Variants in ZBTB40 observed in about 807,000 individuals in gnomAD.
ZBTB40 encodes the protein zinc finger and BTB domain containing 40.
A neutral mutation model predicts 117.5 loss-of-function variants in ZBTB40; 60 were observed. The ratio of observed to expected loss-of-function variants is 0.51; its 90% CI spans 0.41 to 0.63. ZBTB40 has a LOEUF of 0.63. Ranked by LOEUF, ZBTB40 falls within the 30% of genes least tolerant of loss-of-function variation. The pLI is 0.00. For synonymous variants in ZBTB40, 525 were observed against 577.1 expected (o/e 0.91, Z 1.29); for missense variants, 1,287 against 1,498.5 (o/e 0.86, Z 2.33).
chr1:22,509,226 T>C lies in ZBTB40; in HGVS notation c.1826T>C (p.Val609Ala). 6.2e-7 allele frequency: 1 copy of C among 1,614,154 alleles called. No individual in the cohort carries two copies. Among genetic ancestry groups the C allele is most frequent in the Non-Finnish European group, 8.5e-7 (1 of 1,179,996 alleles). The change falls in exon 9 of 18, where the codon GTG becomes GCG. Residue 609 changes from valine (V) to alanine (A), a missense_variant. Around this residue, in one of 2 missense-constraint regions of ZBTB40, gnomAD observed 870 missense variants for 934.4 expected, o/e 0.93. Coordinates refer to ENST00000375647, the MANE Select transcript of ZBTB40 (RefSeq NM_014870.4). The part of the protein sequence containing the change: ...TSEEEHLAET[V>A]KEILSIPSET... Reference sequence around the variant, plus strand: ...GAGGAGGAGCACCTGGCAGAGACTGTGAAAGAGGTGTGGTGGGAATAAAAA... The same window carrying C: ...GAGGAGGAGCACCTGGCAGAGACTGCGAAAGAGGTGTGGTGGGAATAAAAA...
rs965657037 is a variant in ZBTB40, at chr1:22,527,966, G to C, written c.*1570G>C. On this transcript the variant is annotated 3_prime_UTR_variant, in exon 18 of 18. Transcript: ENST00000375647. Reference sequence around the variant, plus strand: ...GCCGACTACACCTGCTTCTGGTCCTGTCCACATTTTGATACGCAGATCACT... The same window carrying C: ...GCCGACTACACCTGCTTCTGGTCCTCTCCACATTTTGATACGCAGATCACT... 2 of 152,580 alleles carry C rather than the reference G, an allele frequency of 1.3e-5. No homozygotes were observed. The highest frequency in any genetic ancestry group is 2.9e-5 in the Non-Finnish European group (2 of 68,044). The allele number at this position is 152,580 out of a possible 1,614,324, so 9.5% of individuals were successfully genotyped here.
rs756620582 is a variant in ZBTB40, at chr1:22,522,447, C to T, written c.3282C>T (p.Val1094=). 2 of 1,614,190 alleles carry T rather than the reference C, an allele frequency of 1.2e-6. No homozygotes were observed. The highest frequency in any genetic ancestry group is 1.7e-6 in the Non-Finnish European group (2 of 1,180,028). ...CGCCAGCCTTGCTGCAGGTTCATGT[C>T]AAGTGCCAGCATTCAGGTCAGTACC... ...FPTPALLQVH[V]KCQHSGSQPF... Residue 1094 remains valine, a synonymous_variant, in exon 16 of 18, where the codon GTC becomes GTT. Transcript: ENST00000375647.
chr1:22,476,182 G>T (rs1004378739), intron 1 of ZBTB40, among the ~76,000 whole-genome samples: 4 of 151,934 alleles, frequency 2.6e-5, no homozygotes, highest in Non-Finnish European at 5.9e-5. Context: ...ACTTTTTCTG[G>T]TTTTTCTCCT....
chr1:22,520,527 C>T (rs1309765340), intron 14 of ZBTB40, among the ~76,000 whole-genome samples: 1 of 152,154 alleles, frequency 6.6e-6, no homozygotes, highest in Non-Finnish European at 1.5e-5. Flanking sequence ...GCAGACTTGT[C>T]GTGAACTAAT....
chr1:22,521,484 A>C lies in ZBTB40; in HGVS notation c.3049-12A>C, dbSNP rs912203965. On this transcript the variant is annotated splice_polypyrimidine_tract_variant and intron_variant, in intron 14 of 17. Transcript: ENST00000375647. The stretch of plus-strand genomic sequence containing the variant: ...ACTTTCTAAGACCTAACACTTGCCA[A>C]ATTCCTTGCAGCAATTGTCTGGTTT... 3 of 1,614,182 alleles carry C rather than the reference A, an allele frequency of 1.9e-6. No homozygotes were observed. Among genetic ancestry groups the C allele is most frequent in the Non-Finnish European group, 2.5e-6 (3 of 1,180,026 alleles).
At chr1:22,457,165 G>C (rs919304012) in intron 1 of ZBTB40, among the ~76,000 whole-genome samples, 5 of 151,988 alleles carry the variant, frequency 3.3e-5, no homozygotes, top group Admixed American at 6.5e-5. Context: ...GGAGGGGATA[G>C]ACTTGAGGAA....
chr1:22,456,091 A>G (rs1640998669), intron 1 of ZBTB40, among the ~76,000 whole-genome samples: 1 of 152,176 alleles, frequency 6.6e-6, no homozygotes, highest in African/African-American at 2.4e-5. Context: ...GATCTCCAAT[A>G]GTCTGCCTTC....
chr1:22,453,120 C>T (rs1351891519), intron 1 of ZBTB40, among the ~76,000 whole-genome samples: 1 of 152,176 alleles, frequency 6.6e-6, no homozygotes, highest in Non-Finnish European at 1.5e-5. Flanking sequence ...TCTTTTCTAC[C>T]TGGAATTGTT....
In ZBTB40 at chr1:22,521,499, T is replaced by C. The variant is rs781236089; in HGVS notation, c.3052T>C (p.Leu1018=). Residue 1018 remains leucine, a synonymous_variant, in exon 15 of 18, where the codon TTG becomes CTG. Transcript: ENST00000375647. The part of the protein sequence containing the change: ...CGICNKAYQQ[L]SGLWYHNRTH... ...ACACTTGCCAAATTCCTTGCAGCAA[T>C]TGTCTGGTTTGTGGTACCACAATCG... The C allele has an allele frequency of 1.9e-6, 3 of 1,614,064 alleles. No homozygotes were observed. Among genetic ancestry groups the C allele is most frequent in the South Asian group, 2.2e-5 (2 of 91,086 alleles).
In ZBTB40 at chr1:22,526,496, C is replaced by T; in HGVS notation, c.*100C>T. 6.7e-7 allele frequency: 1 copy of T among 1,483,946 alleles called. No homozygotes were observed. The highest frequency in any genetic ancestry group is 2.3e-5 in the East Asian group (1 of 43,762). The allele number at this position is 1,483,946 out of a possible 1,614,324, so 91.9% of individuals were successfully genotyped here. ...ATCCCTGGCTGTCCTGAGTGGTGAG[C>T]ATCTTAGCTTAGCACCAACCAACAC... On this transcript the variant is annotated 3_prime_UTR_variant, in exon 18 of 18. Coordinates refer to ENST00000375647, the MANE Select transcript of ZBTB40 (RefSeq NM_014870.4).
chr1:22,459,075 T>A (rs1369265644), intron 1 of ZBTB40, among the ~76,000 whole-genome samples: 1 of 152,238 alleles, frequency 6.6e-6, no homozygotes, highest in Non-Finnish European at 1.5e-5. Context: ...TAGCTTAAAT[T>A]TGTTGTTTCT....
chr1:22,501,156 G>A (rs548089871), intron 3 of ZBTB40, among the ~76,000 whole-genome samples: 109 of 150,224 alleles, frequency 7.3e-4, no homozygotes, highest in East Asian at 1.9e-4. Flanking sequence ...TCTAGTAGGA[G>A]AAAAAAAAAA....
rs1274896013 is a variant in ZBTB40, at chr1:22,508,025, G to C, written c.1385G>C (p.Gly462Ala). 2 of 1,614,060 alleles carry C rather than the reference G, an allele frequency of 1.2e-6. No individual in the cohort carries two copies. Among genetic ancestry groups the C allele is most frequent in the Non-Finnish European group, 1.7e-6 (2 of 1,180,032 alleles). The change falls in exon 7 of 18, where the codon GGG (glycine) becomes GCG (alanine). Residue 462 changes from glycine to alanine, a missense_variant. Transcript: ENST00000375647. ...TTVQPSPDDY[G>A]TELLRRYHEN... ...GTCCAACCAAGCCCTGATGATTATG[G>C]GACTGAGCTATTGAGACGCTATCAT...
At chr1:22,453,936 TTTTTA>T (rs1177502762) in intron 1 of ZBTB40, among the ~76,000 whole-genome samples, 1 of 152,138 alleles carries the variant, frequency 6.6e-6, no homozygotes, top group African/African-American at 2.4e-5. Context: ...ATTGAACAAA[TTTTTA>T]TTTTATTTTA....
At chr1:22,440,410 G>C (rs774631983) in intron 1 of ZBTB40, among the ~76,000 whole-genome samples, 3 of 152,350 alleles carry the variant, frequency 2.0e-5, no homozygotes, top group Middle Eastern at 3.4e-3. Context: ...GCTGAGGCAA[G>C]TGAATTGCTT....
At chr1:22,436,656 A>G (rs1385072488) in intron 1 of ZBTB40, among the ~76,000 whole-genome samples, 3 of 152,208 alleles carry the variant, frequency 2.0e-5, no homozygotes, top group African/African-American at 7.2e-5. Context: ...GGGCCCAGTA[A>G]TTAAAAGAAA....
At position 22,490,643 on chromosome 1, in the gene ZBTB40, C is replaced by T. The variant is rs761868440; in HGVS notation, c.695C>T (p.Pro232Leu). The change falls in exon 2 of 18, where the codon CCA (proline) becomes CTA (leucine). Residue 232 changes from proline (P) to leucine (L), a missense_variant and splice_region_variant. Pro to Leu is a moderately conservative substitution (Grantham distance 98). Coordinates refer to ENST00000375647, the MANE Select transcript of ZBTB40 (RefSeq NM_014870.4). Reference protein sequence around the residue: ...FSEAKKTSTEPGCERKHYQLN... With the variant: ...FSEAKKTSTELGCERKHYQLN... ...GAGGCAAAGAAGACAAGCACAGAAC[C>T]AGGTAACAGTCATTGTTTTATATTC... 10 of 1,612,872 alleles carry T rather than the reference C, an allele frequency of 6.2e-6. No individual in the cohort carries two copies. Among genetic ancestry groups the T allele is most frequent in the Non-Finnish European group, 7.6e-6 (9 of 1,179,828 alleles).
chr1:22,485,256 T>C (rs1638433935), intron 1 of ZBTB40, among the ~76,000 whole-genome samples: 1 of 152,176 alleles, frequency 6.6e-6, no homozygotes. Context: ...TGGAACTCAT[T>C]AGTGAACACA....
intron 1 of ZBTB40, among the ~76,000 whole-genome samples, chr1:22,486,550 C>T (rs72873519): frequency 1.8e-3 from 272 of 152,228 alleles, no homozygotes; most frequent in African/African-American, 6.3e-3. Flanking sequence ...CTTGTTAGAG[C>T]TCTAGGAGGT....
Sources: gnomAD v4.1 joint callset for allele counts (sites outside exome capture counted in the v4.1 genomes callset) on GRCh38, gnomAD v4.1.1 for gene constraint, gnomAD v4.1.1 regional missense constraint, MANE v1.5 for transcripts, NCBI Gene and HGNC (gene_info 2026-07-23, HGNC 2026-07-21) for gene names.